The following ERGIC3 variants were observed in gnomAD, a reference collection of about 807,000 sequenced individuals.
ERGIC3 encodes endoplasmic reticulum-Golgi intermediate compartment protein 3.
Under a neutral mutation model 54.7 loss-of-function variants are expected in ERGIC3, and 33 were observed. That is an observed-to-expected ratio of 0.60 (90% confidence interval 0.46 to 0.81). The LOEUF (loss-of-function observed/expected upper bound fraction) is 0.81. Ranked by LOEUF, ERGIC3 falls within the 30% of genes least tolerant of loss-of-function variation. ERGIC3 has a pLI of 0.00. For missense variants in ERGIC3, 399 were observed against 488.4 expected (o/e 0.82, Z 1.73); for synonymous variants, 186 against 189.8 (o/e 0.98, Z 0.16).
rs1381313293 is a variant in ERGIC3 at position 35,557,225 on chromosome 20, G to A, written c.1048G>A (p.Ala350Thr). 3.1e-6 allele frequency: 5 copies of A among 1,614,144 alleles called. No individual in the cohort carries two copies. The highest frequency in any genetic ancestry group is 1.1e-5 in the South Asian group (1 of 91,076). ...CACCCACTTCCTGACAGGTGTGTGCGCCATCATTGGGGGCATGTTCACAGG... is the reference window on the plus strand; with the variant it reads ...CACCCACTTCCTGACAGGTGTGTGCACCATCATTGGGGGCATGTTCACAGG... ...SFTHFLTGVC[A>T]IIGGMFTVAG... is the part of the protein sequence containing the mutation. The change falls in exon 12 of 13, where the codon GCC becomes ACC. Residue 350 changes from alanine (A) to threonine (T), a missense_variant. Coordinates refer to ENST00000348547, the MANE Select transcript of ERGIC3 (RefSeq NM_015966.3).
chr20:35,542,732 A>G (rs762335332), intron 3 of ERGIC3, 90 bp from the exon 4 acceptor site: 1 of 1,609,562 alleles, frequency 6.2e-7, no homozygotes, highest in Non-Finnish European at 8.5e-7. Context: ...GTTCTGCCCC[A>G]AGACAGGCCC....
At chr20:35,550,348 G>C (rs1252465894) in intron 7 of ERGIC3, among the ~76,000 whole-genome samples, 1 of 152,130 alleles carries the variant, frequency 6.6e-6, no homozygotes, top group Non-Finnish European at 1.5e-5. Context: ...GGGTGCAGTA[G>C]CTCATACCTG....
chr20:35,547,336 G>T (rs1034217951), intron 4 of ERGIC3, 76 bp from the exon 5 acceptor site: 1 of 1,067,276 alleles, frequency 9.4e-7, no homozygotes, highest in Non-Finnish European at 1.5e-6. Context: ...CTAAGCAAAG[G>T]GCTTGTGCAG....
intron 4 of ERGIC3, chr20:35,544,187 T>C: frequency 5.4e-6 from 1 of 186,216 alleles, no homozygotes; most frequent in Non-Finnish European, 1.1e-5. Context: ...CCCGAGTAGC[T>C]GGGATTACAG....
Position 35,542,102 on chromosome 20 carries a change from A to G in ERGIC3, c.5A>G (p.Glu2Gly). M[E>G]ALGKLKQFDA... ...TCCCCTTTCCGGCCGGTCCCCATGG[A>G]GGCGCTGGGGAAGCTGAAGCAGTTC... The change falls in exon 1 of 13, where the codon GAG becomes GGG. Residue 2 changes from glutamate (E) to glycine (G), a missense_variant. Transcript: ENST00000348547. 6.5e-7 allele frequency: 1 copy of G among 1,545,482 alleles called. No individual in the cohort carries two copies. The highest frequency in any genetic ancestry group is 8.7e-7 in the Non-Finnish European group (1 of 1,146,776).
At chr20:35,555,633 G>A (rs934729947) in intron 8 of ERGIC3, among the ~76,000 whole-genome samples, 3 of 151,978 alleles carry the variant, frequency 2.0e-5, no homozygotes, top group African/African-American at 4.8e-5. Flanking sequence ...TGTGCCTAAC[G>A]TACAAGTGAA....
Position 35,557,615 on chromosome 20 carries a change from A to G in ERGIC3, c.*111A>G, listed in dbSNP as rs774774525. The G allele has an allele frequency of 2.5e-5, 22 of 876,050 alleles. No individual in the cohort carries two copies. Among genetic ancestry groups the G allele is most frequent in the Non-Finnish European group, 3.7e-5 (20 of 542,802 alleles). The allele number at this position is 876,050 out of a possible 1,614,324, so 54.3% of individuals were successfully genotyped here. A position where few individuals can be genotyped will look rare whatever the true frequency, so the allele number is the denominator to read the frequency against. The stretch of plus-strand genomic sequence containing the variant: ...GCCCCAGCCCCAGGTTGATAAATCT[A>G]TTGATTGATTGTGATAGTACTCACT... On this transcript the variant is annotated 3_prime_UTR_variant, in exon 13 of 13. Coordinates refer to ENST00000348547, the MANE Select transcript of ERGIC3 (RefSeq NM_015966.3).
chr20:35,554,618 G>A (rs2064701347), intron 7 of ERGIC3, among the ~76,000 whole-genome samples: 1 of 152,226 alleles, frequency 6.6e-6, no homozygotes, highest in Admixed American at 6.5e-5. Context: ...GGGTCCCCAT[G>A]GGATTTCTTC....
chr20:35,547,359 G>A, intron 4 of ERGIC3, 53 bp from the exon 5 acceptor site: 3 of 1,433,632 alleles, frequency 2.1e-6, no homozygotes, highest in African/African-American at 1.4e-5. Flanking sequence ...TGGAGCCACC[G>A]ATTTCACTGT....
intron 10 of ERGIC3, 40 bp downstream of exon 10, chr20:35,556,311 G>T: frequency 6.2e-7 from 1 of 1,604,834 alleles, no homozygotes; most frequent in Non-Finnish European, 8.5e-7. Flanking sequence ...CCTGCGCGGT[G>T]CCAAGCACTG....
intron 10 of ERGIC3, 157 bp from the exon 11 acceptor site, chr20:35,556,816 G>A (rs948251263): frequency 4.4e-5 from 43 of 982,424 alleles, no homozygotes; most frequent in Non-Finnish European, 6.2e-5. Context: ...GGGTCTGGCG[G>A]GCCAGGCCTT....
At chr20:35,555,955 T>C in intron 8 of ERGIC3, 78 bp from the exon 9 acceptor site, 1 of 1,367,270 alleles carries the variant, frequency 7.3e-7, no homozygotes, top group Admixed American at 1.8e-5. Context: ...CTCCCACATC[T>C]CCGCAGACGG....
At chr20:35,550,672 G>T (rs2147307383) in intron 7 of ERGIC3, among the ~76,000 whole-genome samples, 1 of 152,254 alleles carries the variant, frequency 6.6e-6, no homozygotes, top group East Asian at 1.9e-4. Flanking sequence ...GGGCTTGCAG[G>T]GGCATTGTAG....
intron 7 of ERGIC3, among the ~76,000 whole-genome samples, chr20:35,553,171 ATTT>A (rs61579080): frequency 7.8e-6 from 1 of 127,398 alleles, no homozygotes. Flanking sequence ...TGCCTGGCTA[ATTT>A]TTTTTTTTTT....
intron 4 of ERGIC3, chr20:35,543,230 C>T (rs1234861109): frequency 2.6e-6 from 1 of 380,334 alleles, no homozygotes. Flanking sequence ...GTGCTCTTGC[C>T]TTGGTAGAAC....
rs1448185693 is a variant in ERGIC3, at chr20:35,557,520, C to G, written c.*16C>G. ...GACAACGTAGTCACCCTCGGTGCTTCCTCTGTCTCCTCTTTCTCCCTGGCC... is the reference window on the plus strand; with the variant it reads ...GACAACGTAGTCACCCTCGGTGCTTGCTCTGTCTCCTCTTTCTCCCTGGCC... On this transcript the variant is annotated 3_prime_UTR_variant, in exon 13 of 13. Coordinates refer to ENST00000348547, the MANE Select transcript of ERGIC3 (RefSeq NM_015966.3). 1 of 1,610,252 alleles carries G rather than the reference C, an allele frequency of 6.2e-7. No individual in the cohort carries two copies.
chr20:35,545,064 A>C (rs996745536), intron 4 of ERGIC3: 3 of 152,102 alleles, frequency 2.0e-5, no homozygotes, highest in African/African-American at 7.3e-5. Flanking sequence ...TGGCCTCCCA[A>C]AGTGTTGGGA....
chr20:35,546,442 G>A (rs949732445), intron 4 of ERGIC3, among the ~76,000 whole-genome samples: 2 of 152,162 alleles, frequency 1.3e-5, no homozygotes, highest in African/African-American at 2.4e-5. Context: ...GGTTTTGGGA[G>A]CCTAAGGAGA....
At chr20:35,552,547 G>A (rs2147308632) in intron 7 of ERGIC3, among the ~76,000 whole-genome samples, 2 of 152,310 alleles carry the variant, frequency 1.3e-5, no homozygotes, top group South Asian at 4.1e-4. Flanking sequence ...CTGGACCACA[G>A]CATATGAGCT....
Sources: gnomAD v4.1 joint callset for allele counts (sites outside exome capture counted in the v4.1 genomes callset) on GRCh38, gnomAD v4.1.1 for gene constraint, MANE v1.5 for transcripts, NCBI Gene and HGNC (gene_info 2026-07-23, HGNC 2026-07-21) for gene names.